The following LPIN2 variants were observed in gnomAD, a reference collection of about 807,000 sequenced individuals.
LPIN2 encodes the protein phosphatidate phosphatase LPIN2.
LPIN2 carries 55 observed loss-of-function variants against 111.4 expected under a neutral mutation model. That is an observed-to-expected ratio of 0.49 (90% CI 0.40 to 0.62). The LOEUF (loss-of-function observed/expected upper bound fraction) is 0.62, where lower values mean the gene tolerates loss of function less well. LPIN2 is among the 20% of genes least tolerant of loss of function. The probability of loss-of-function intolerance (pLI) is 0.00; values close to 1 mark genes in which losing one functional copy is unlikely to be tolerated. For synonymous variants in LPIN2, 425 were observed against 414.0 expected (o/e 1.03, Z -0.32); for missense variants, 992 against 1,112.1 (o/e 0.89, Z 1.54).
intron 1 of LPIN2, among the ~76,000 whole-genome samples, chr18:3,000,969 AAG>A (rs1432860544): frequency 2.9e-5 from 4 of 136,064 alleles, no homozygotes; most frequent in Non-Finnish European, 4.7e-5. Context: ...AATGGGGAAA[AAG>A]AGGGGGGAGA....
chr18:2,986,961 T>C (rs762374436), intron 1 of LPIN2, among the ~76,000 whole-genome samples: 4 of 152,130 alleles, frequency 2.6e-5, no homozygotes, highest in Non-Finnish European at 5.9e-5. Flanking sequence ...CTCAGTTGCT[T>C]GACAGGGGTG....
rs1489658860 is a variant in LPIN2, at chr18:2,924,380, C to G, written c.2087+18G>C. Reference sequence around the variant, plus strand: ...CACGGGGCTGTTCCTTGCCACCCACCTGAAGGATTGAGCTTACTTGGTTAT... The same window carrying G: ...CACGGGGCTGTTCCTTGCCACCCACGTGAAGGATTGAGCTTACTTGGTTAT... On this transcript the variant is annotated intron_variant, in intron 15 of 19. Coordinates refer to ENST00000677752, the MANE Select transcript of LPIN2 (RefSeq NM_001375808.2). 3.7e-6 allele frequency: 6 copies of G among 1,614,070 alleles called. No homozygotes were observed. The highest frequency in any genetic ancestry group is 3.3e-4 in the Middle Eastern group (2 of 6,060).
Position 2,920,847 on chromosome 18 carries a change from T to G in LPIN2, c.2477A>C (p.Asp826Ala). ...VYAYTQVGVP[D>A]CRIFTVNPKG... Reference sequence around the variant, plus strand: ...GGGGTTCACGGTGAATATTCTACAGTCTGGAACTCCAACTTGTGTGTAGGC... The same window carrying G: ...GGGGTTCACGGTGAATATTCTACAGGCTGGAACTCCAACTTGTGTGTAGGC... The change falls in exon 19 of 20, where the codon GAC becomes GCC. Residue 826 changes from aspartate to alanine, a missense_variant. Coordinates refer to ENST00000677752, the MANE Select transcript of LPIN2 (RefSeq NM_001375808.2). 6.2e-7 allele frequency: 1 copy of G among 1,614,166 alleles called. No individual in the cohort carries two copies. Among genetic ancestry groups the G allele is most frequent in the Non-Finnish European group, 8.5e-7 (1 of 1,179,994 alleles).
intron 1 of LPIN2, among the ~76,000 whole-genome samples, chr18:2,996,356 A>G (rs936230399): frequency 6.6e-6 from 1 of 151,468 alleles, no homozygotes; most frequent in East Asian, 1.9e-4. Flanking sequence ...AAAGTGTTAC[A>G]TTGGTTCTTT....
rs573335675 is a variant in LPIN2, at chr18:2,955,640, G to A, written c.193-1041C>T. Among the ~76,000 whole-genome samples, 3 of 152,266 alleles carry A rather than the reference G, an allele frequency of 2.0e-5. No individual in the cohort carries two copies. The South Asian group carries it at 6.2e-4, about 32-fold the overall frequency. On this transcript the variant is annotated intron_variant, in intron 2 of 19. Transcript: ENST00000677752. The stretch of plus-strand genomic sequence containing the variant: ...TATAAAACTCCTATGTATGGGCCGG[G>A]TGCAGTGGCTCATGCTTGTAATCCC...
intron 1 of LPIN2, among the ~76,000 whole-genome samples, chr18:2,965,180 A>G (rs1242031852): frequency 6.6e-6 from 1 of 152,240 alleles, no homozygotes; most frequent in East Asian, 1.9e-4. Flanking sequence ...AGCAACTACA[A>G]TACTTATTAG....
At chr18:2,930,307 G>A in intron 9 of LPIN2, among the ~76,000 whole-genome samples, 1 of 152,170 alleles carries the variant, frequency 6.6e-6, no homozygotes, top group African/African-American at 2.4e-5. Context: ...ACATTTAAGA[G>A]GATTACAGAA....
At chr18:2,948,889 C>G (rs1219225228) in intron 4 of LPIN2, among the ~76,000 whole-genome samples, 1 of 151,674 alleles carries the variant, frequency 6.6e-6, no homozygotes, top group Non-Finnish European at 1.5e-5. Flanking sequence ...TCTTGGCTCA[C>G]TGTAACCTCC....
intron 1 of LPIN2, among the ~76,000 whole-genome samples, chr18:2,992,783 A>C (rs578247203): frequency 3.3e-4 from 50 of 152,098 alleles, no homozygotes; most frequent in Admixed American, 2.6e-3. Context: ...GGAGATGGAG[A>C]CCGTCCTGGC....
intron 7 of LPIN2, 23 bp from the exon 8 acceptor site, chr18:2,934,473 G>GT: frequency 1.3e-6 from 2 of 1,488,186 alleles, no homozygotes; most frequent in Non-Finnish European, 1.9e-6. Flanking sequence ...AAAATCAGAG[G>GT]TAAGAATTTA....
chr18:2,955,572 G>A lies in LPIN2; in HGVS notation c.193-973C>T, dbSNP rs2077597919. On this transcript the variant is annotated intron_variant, in intron 2 of 19. Coordinates refer to ENST00000677752, the MANE Select transcript of LPIN2 (RefSeq NM_001375808.2). ...TCACATTTCAACATGAGACTTGGAGGGGACATCCAAACCTTATCAACATAT... is the reference window on the plus strand; with the variant it reads ...TCACATTTCAACATGAGACTTGGAGAGGACATCCAAACCTTATCAACATAT... 2.0e-5 allele frequency among the ~76,000 whole-genome samples: 3 copies of A among 152,074 alleles called. No homozygotes were observed. The South Asian group carries it at 6.2e-4, about 32-fold the overall frequency.
rs747793611 is a variant in LPIN2 at position 2,934,345 on chromosome 18, C to T, written c.1268+6G>A. The T allele has an allele frequency of 1.1e-5, 17 of 1,592,540 alleles. No individual in the cohort carries two copies. In the South Asian group the frequency reaches 1.7e-4, roughly 16 times the overall value. On this transcript the variant is annotated splice_donor_region_variant and intron_variant, in intron 8 of 19. Coordinates refer to ENST00000677752, the MANE Select transcript of LPIN2 (RefSeq NM_001375808.2). Reference sequence around the variant, plus strand: ...GCTGTCCTTCAATAAATAAGGACCACTCTACCTTTTAGGGAAATAAAGAGC... The same window carrying T: ...GCTGTCCTTCAATAAATAAGGACCATTCTACCTTTTAGGGAAATAAAGAGC...
At chr18:2,971,241 T>C (rs1267812682) in intron 1 of LPIN2, among the ~76,000 whole-genome samples, 8 of 152,192 alleles carry the variant, frequency 5.3e-5, no homozygotes, top group Non-Finnish European at 1.0e-4. Flanking sequence ...GCAAGGATGT[T>C]TCAGGTTCCC....
In LPIN2 at chr18:2,918,248, G is replaced by A. The variant is rs1352116797; in HGVS notation, c.*2045C>T. The stretch of plus-strand genomic sequence containing the variant: ...GACTGAACCCTCTAAGAAGGCCCAT[G>A]TGTCCAAAGAGAAGAGCTGTCAAGA... On this transcript the variant is annotated 3_prime_UTR_variant, in exon 20 of 20. Coordinates refer to ENST00000677752, the MANE Select transcript of LPIN2 (RefSeq NM_001375808.2). The A allele has an allele frequency of 6.6e-6, 1 of 152,248 alleles. No individual in the cohort carries two copies. Among genetic ancestry groups the A allele is most frequent in the East Asian group, 1.9e-4 (1 of 5,198 alleles). 9.4% of individuals were successfully genotyped at this position (152,248 alleles called of 1,614,324 possible). A position where few individuals can be genotyped will look rare whatever the true frequency, so the allele number is the denominator to read the frequency against.
At chr18:2,976,862 G>A (rs997735221) in intron 1 of LPIN2, among the ~76,000 whole-genome samples, 1 of 152,138 alleles carries the variant, frequency 6.6e-6, no homozygotes, top group East Asian at 1.9e-4. Context: ...AAGAGCCTTT[G>A]GATCCACAGA....
rs2077005448 is a variant in LPIN2, at chr18:2,918,683, G to A, written c.*1610C>T. Reference sequence around the variant, plus strand: ...TTTGCCACTGAGAACTGTGTTTAGGGGATTTCAACATTGTCTCTGCATCCG... The same window carrying A: ...TTTGCCACTGAGAACTGTGTTTAGGAGATTTCAACATTGTCTCTGCATCCG... On this transcript the variant is annotated 3_prime_UTR_variant, in exon 20 of 20. Transcript: ENST00000677752. The A allele has an allele frequency of 6.6e-6, 1 of 152,130 alleles. No individual in the cohort carries two copies. Among genetic ancestry groups the A allele is most frequent in the Non-Finnish European group, 1.5e-5 (1 of 68,022 alleles). 9.4% of individuals were successfully genotyped at this position (152,130 alleles called of 1,614,324 possible).
At chr18:2,976,063 A>G (rs955454051) in intron 1 of LPIN2, among the ~76,000 whole-genome samples, 9 of 152,224 alleles carry the variant, frequency 5.9e-5, no homozygotes, top group African/African-American at 2.2e-4. Context: ...ATATATTACT[A>G]TAGGTTCTAT....
chr18:2,921,564 G>C lies in LPIN2; in HGVS notation c.2411C>G (p.Pro804Arg). 1 of 1,613,970 alleles carries C rather than the reference G, an allele frequency of 6.2e-7. No homozygotes were observed. Among genetic ancestry groups the C allele is most frequent in the Non-Finnish European group, 8.5e-7 (1 of 1,179,892 alleles). The change falls in exon 18 of 20, where the codon CCC becomes CGC. Residue 804 changes from proline (P) to arginine (R), a missense_variant. This residue lies in a region of LPIN2 where 185 missense variants were observed against 186.5 expected (regional missense o/e 0.99). Coordinates refer to ENST00000677752, the MANE Select transcript of LPIN2 (RefSeq NM_001375808.2). ...IKNLFAPSKQ[P>R]FYAAFGNRPN... ...ACGGTTTCCAAAGGCAGCATAGAAGGGCTGCTTAGACGGGGCAAACAGATT... is the reference window on the plus strand; with the variant it reads ...ACGGTTTCCAAAGGCAGCATAGAAGCGCTGCTTAGACGGGGCAAACAGATT...
intron 4 of LPIN2, among the ~76,000 whole-genome samples, chr18:2,947,299 C>A (rs1031060825): frequency 1.6e-5 from 2 of 124,390 alleles, no homozygotes; most frequent in African/African-American, 5.3e-5. Context: ...ATCCAATATG[C>A]AGAGTCTCTT....
Sources: allele counts gnomAD v4.1 joint callset (sites outside exome capture counted in the v4.1 genomes callset), GRCh38; gene constraint gnomAD v4.1.1; regional missense constraint gnomAD v4.1.1; transcripts MANE v1.5; gene names NCBI Gene and HGNC (gene_info 2026-07-23, HGNC 2026-07-21).